The following UNC5C variants were observed in gnomAD, a reference collection of about 807,000 sequenced individuals.
UNC5C encodes the protein unc-5 netrin receptor C, also known as netrin receptor UNC5C.
Under a neutral mutation model 99.8 loss-of-function variants are expected in UNC5C, and 47 were observed. The observed-to-expected ratio is 0.47, with a 90% CI of 0.37 to 0.60. The LOEUF (loss-of-function observed/expected upper bound fraction) is 0.60, where lower values mean the gene tolerates loss of function less well. Ranked by LOEUF, UNC5C falls within the 20% of genes least tolerant of loss-of-function variation. The pLI is 0.00. For missense variants in UNC5C, 1,062 were observed against 1,165.9 expected (o/e 0.91, Z 1.30); for synonymous variants, 487 against 452.2 (o/e 1.08, Z -0.98).
chr4:95,447,626 G>A (rs1216385106), intron 1 of UNC5C, among the ~76,000 whole-genome samples: 2 of 152,026 alleles, frequency 1.3e-5, no homozygotes, highest in Admixed American at 1.3e-4. Context: ...TCAGCCTCCC[G>A]AGTAGCTGGG....
intron 1 of UNC5C, among the ~76,000 whole-genome samples, chr4:95,440,844 A>G (rs1338531134): frequency 6.6e-6 from 1 of 152,188 alleles, no homozygotes; most frequent in Non-Finnish European, 1.5e-5. Flanking sequence ...AATACTTAAC[A>G]CTTACTGCTT....
chr4:95,513,596 C>T (rs1424610842), intron 1 of UNC5C, among the ~76,000 whole-genome samples: 6 of 152,174 alleles, frequency 3.9e-5, no homozygotes, highest in South Asian at 2.1e-4. Context: ...GAAGACAACA[C>T]ATTAAAATGT....
intron 1 of UNC5C, among the ~76,000 whole-genome samples, chr4:95,361,794 C>T (rs941715673): frequency 6.6e-6 from 1 of 152,110 alleles, no homozygotes; most frequent in African/African-American, 2.4e-5. Context: ...AATCAAACTG[C>T]CTTTTTTCAC....
At chr4:95,215,831 C>T (rs1034793909) in intron 10 of UNC5C, among the ~76,000 whole-genome samples, 1 of 152,170 alleles carries the variant, frequency 6.6e-6, no homozygotes, top group African/African-American at 2.4e-5. Flanking sequence ...CCACTTGTCT[C>T]TCTGGACAAT....
At chr4:95,404,449 C>G (rs899815074) in intron 1 of UNC5C, among the ~76,000 whole-genome samples, 1 of 152,068 alleles carries the variant, frequency 6.6e-6, no homozygotes, top group African/African-American at 2.4e-5. Flanking sequence ...ATGAAGAGAA[C>G]CAAAGTGGAG....
At chr4:95,248,570 G>A (rs1385160510) in intron 5 of UNC5C, 2 of 455,968 alleles carry the variant, frequency 4.4e-6, no homozygotes, top group Non-Finnish European at 8.8e-6. Context: ...CTGCTTTTAA[G>A]AGACAGGACT....
At chr4:95,189,687 A>AACAG (rs1382321367) in intron 12 of UNC5C, among the ~76,000 whole-genome samples, 1 of 152,206 alleles carries the variant, frequency 6.6e-6, no homozygotes, top group Non-Finnish European at 1.5e-5. Flanking sequence ...GAAGGATATG[A>AACAG]ACAGACACTT....
chr4:95,303,741 T>G (rs1482896850), intron 2 of UNC5C, among the ~76,000 whole-genome samples: 3 of 152,168 alleles, frequency 2.0e-5, no homozygotes, highest in Admixed American at 6.5e-5. Flanking sequence ...GTAGATGACA[T>G]GATCAGATGA....
chr4:95,211,710 C>T (rs1484284821), intron 10 of UNC5C, among the ~76,000 whole-genome samples: 1 of 152,178 alleles, frequency 6.6e-6, no homozygotes, highest in African/African-American at 2.4e-5. Context: ...ATATTCTAAC[C>T]GCTCGCCTAC....
chr4:95,456,194 C>A (rs1222270998), intron 1 of UNC5C, among the ~76,000 whole-genome samples: 6 of 151,942 alleles, frequency 3.9e-5, no homozygotes, highest in Non-Finnish European at 5.9e-5. Context: ...TGGAGGAACA[C>A]ACCACCGACT....
intron 1 of UNC5C, among the ~76,000 whole-genome samples, chr4:95,490,875 T>A (rs1721464839): frequency 6.6e-6 from 1 of 151,850 alleles, no homozygotes; most frequent in Admixed American, 6.6e-5. Flanking sequence ...GCAGGTCTCG[T>A]TTCATTGTAC....
chr4:95,345,085 G>C (rs1174974428), intron 1 of UNC5C, among the ~76,000 whole-genome samples: 1 of 151,584 alleles, frequency 6.6e-6, no homozygotes, highest in Non-Finnish European at 1.5e-5. Flanking sequence ...AAAAAAATAA[G>C]ACCCAATGAT....
chr4:95,518,215 T>G (rs982921315), intron 1 of UNC5C, among the ~76,000 whole-genome samples: 1 of 152,254 alleles, frequency 6.6e-6, no homozygotes, highest in East Asian at 1.9e-4. Context: ...CTGGGGATAG[T>G]GTCTGAAAAA....
chr4:95,537,130 A>T (rs576568644), intron 1 of UNC5C, among the ~76,000 whole-genome samples: 193 of 152,104 alleles, frequency 1.3e-3, no homozygotes, highest in Middle Eastern at 6.8e-3. Flanking sequence ...GTTTTTTTTT[A>T]AAACCCATAT....
intron 5 of UNC5C, among the ~76,000 whole-genome samples, chr4:95,248,945 G>GACT: frequency 6.6e-6 from 1 of 152,224 alleles, no homozygotes; most frequent in South Asian, 2.1e-4. Flanking sequence ...CTCACCCAGA[G>GACT]CAACTTCCAG....
At chr4:95,442,883 A>C (rs774421997) in intron 1 of UNC5C, among the ~76,000 whole-genome samples, 1 of 152,164 alleles carries the variant, frequency 6.6e-6, no homozygotes, top group Admixed American at 6.6e-5. Context: ...GTATGTATGT[A>C]TAGCTTCTTC....
rs143334871 is a variant in UNC5C at position 95,400,794 on chromosome 4, C to T, written c.125-65163G>A. ...GTTGAGCCTCGAATGAGGATGTGCC[C>T]CTGACCAACAGCTGCATTGCAGCCT... On this transcript the variant is annotated intron_variant, in intron 1 of 15. Transcript: ENST00000453304. 5.3e-5 allele frequency among the ~76,000 whole-genome samples: 8 copies of T among 152,306 alleles called. No homozygotes were observed. In the East Asian group the frequency reaches 1.5e-3, roughly 29 times the overall value.
chr4:95,371,077 T>C (rs1386893402), intron 1 of UNC5C, among the ~76,000 whole-genome samples: 3 of 152,178 alleles, frequency 2.0e-5, no homozygotes, highest in South Asian at 2.1e-4. Flanking sequence ...ACTTAGAAAT[T>C]AGAAACTTCT....
intron 13 of UNC5C, among the ~76,000 whole-genome samples, chr4:95,183,271 G>A (rs1736691742): frequency 6.6e-6 from 1 of 152,008 alleles, no homozygotes; most frequent in African/African-American, 2.4e-5. Context: ...CACACAGCAA[G>A]TAAGTAGCAG....
Sources: gnomAD v4.1 joint callset for allele counts (sites outside exome capture counted in the v4.1 genomes callset) on GRCh38, gnomAD v4.1.1 for gene constraint, MANE v1.5 for transcripts, NCBI Gene and HGNC (gene_info 2026-07-23, HGNC 2026-07-21) for gene names.